Variants in PRKCZ observed in about 807,000 individuals in gnomAD.
PRKCZ encodes protein kinase C zeta type.
Under a neutral mutation model 79.5 loss-of-function variants are expected in PRKCZ, and 33 were observed. The ratio of observed to expected loss-of-function variants is 0.41; its 90% CI spans 0.31 to 0.55. The LOEUF is 0.55. Ranked by LOEUF, PRKCZ falls within the 20% of genes least tolerant of loss-of-function variation. The probability of loss-of-function intolerance (pLI) is 0.19; values close to 1 mark genes in which losing one functional copy is unlikely to be tolerated. For missense variants in PRKCZ, 578 were observed against 813.5 expected, an observed-to-expected ratio of 0.71 and a Z score of 3.52; for synonymous variants, 342 against 320.9, an observed-to-expected ratio of 1.07 and a Z score of -0.70.
chr1:2,077,024 C>G (rs748296586), intron 4 of PRKCZ, among the ~76,000 whole-genome samples: 7 of 152,144 alleles, frequency 4.6e-5, no homozygotes, highest in Non-Finnish European at 7.3e-5. Flanking sequence ...CTTGGTGGGC[C>G]CACAGGTCTG....
chr1:2,132,404 AG>A (rs1299783929), intron 4 of PRKCZ, among the ~76,000 whole-genome samples: 1 of 152,156 alleles, frequency 6.6e-6, no homozygotes, highest in African/African-American at 2.4e-5. Flanking sequence ...GCCGGGCCCT[AG>A]GGGGAGCAAA....
intron 1 of PRKCZ, among the ~76,000 whole-genome samples, chr1:2,053,566 A>G (rs1659890666): frequency 6.6e-6 from 1 of 152,126 alleles, no homozygotes; most frequent in South Asian, 2.1e-4. Flanking sequence ...TTGATTCAGG[A>G]TTGGGATAGG....
intron 1 of PRKCZ, 196 bp downstream of exon 1, chr1:2,050,897 C>A (rs1248186117): frequency 1.5e-5 from 6 of 390,662 alleles, no homozygotes. Flanking sequence ...GCGCGGGCTC[C>A]TTCCCCGGGA....
intron 4 of PRKCZ, among the ~76,000 whole-genome samples, chr1:2,088,505 G>A (rs1664919780): frequency 6.6e-6 from 1 of 152,202 alleles, no homozygotes; most frequent in South Asian, 2.1e-4. Context: ...GAGTGAAGAC[G>A]GCTGTGGCGA....
At chr1:2,163,915 AAAG>A (rs571662970) in intron 10 of PRKCZ, among the ~76,000 whole-genome samples, 9 of 152,148 alleles carry the variant, frequency 5.9e-5, no homozygotes, top group East Asian at 1.9e-4. Context: ...AAGAAAAAAA[AAAG>A]AAGAACACTG....
chr1:2,079,126 G>A (rs1388694478), intron 4 of PRKCZ, among the ~76,000 whole-genome samples: 3 of 152,232 alleles, frequency 2.0e-5, no homozygotes, highest in Non-Finnish European at 4.4e-5. Flanking sequence ...ACAGGCGTGA[G>A]CCACTGCGCC....
chr1:2,083,996 C>T (rs1664050535), intron 4 of PRKCZ, among the ~76,000 whole-genome samples: 1 of 152,190 alleles, frequency 6.6e-6, no homozygotes, highest in African/African-American at 2.4e-5. Context: ...CTTTGGGAGA[C>T]CGAAGCGGGC....
chr1:2,072,673 G>C (rs1471816387), intron 4 of PRKCZ, among the ~76,000 whole-genome samples: 1 of 152,144 alleles, frequency 6.6e-6, no homozygotes, highest in East Asian at 1.9e-4. Flanking sequence ...GCATTTGAAA[G>C]GTTCGCTGTG....
chr1:2,166,338 G>C lies in PRKCZ; in HGVS notation c.975-3180G>C, dbSNP rs577366583. On this transcript the variant is annotated intron_variant, in intron 10 of 17. Coordinates refer to ENST00000378567, the MANE Select transcript of PRKCZ (RefSeq NM_002744.6). Reference sequence around the variant, plus strand: ...GGAGGCTGAAGCCGGAGGATTGCCTGAGCCTGGGAGGTCGAGGCTGCAGTG... The same window carrying C: ...GGAGGCTGAAGCCGGAGGATTGCCTCAGCCTGGGAGGTCGAGGCTGCAGTG... 9.2e-5 allele frequency among the ~76,000 whole-genome samples: 14 copies of C among 152,326 alleles called. No homozygotes were observed. In the East Asian group the frequency reaches 2.7e-3, roughly 29 times the overall value.
intron 4 of PRKCZ, among the ~76,000 whole-genome samples, chr1:2,106,924 C>T (rs1308874443): frequency 6.6e-6 from 1 of 151,772 alleles, no homozygotes; most frequent in Non-Finnish European, 1.5e-5. Flanking sequence ...CTCCGGTGGG[C>T]GAGGACCTCT....
intron 5 of PRKCZ, among the ~76,000 whole-genome samples, chr1:2,136,914 T>G (rs983458283): frequency 1.3e-5 from 2 of 152,170 alleles, no homozygotes; most frequent in Non-Finnish European, 2.9e-5. Flanking sequence ...GTCAGGGTTC[T>G]CCAGAGGGAT....
At chr1:2,118,321 T>C (rs2102797314) in intron 4 of PRKCZ, among the ~76,000 whole-genome samples, 1 of 145,186 alleles carries the variant, frequency 6.9e-6, no homozygotes, top group East Asian at 2.1e-4. Context: ...ATTGATGCTT[T>C]TATCATCATG....
At position 2,174,443 on chromosome 1, in the gene PRKCZ, G is replaced by A. The variant is rs1685057383; in HGVS notation, c.1406-311G>A. Among the ~76,000 whole-genome samples, 1 of 152,260 alleles carries A rather than the reference G, an allele frequency of 6.6e-6. No homozygotes were observed. Among genetic ancestry groups the A allele is most frequent in the Non-Finnish European group, 1.5e-5 (1 of 68,042 alleles). Reference sequence around the variant, plus strand: ...CTGTGGGGATGTGGGATCTGGGAACGCGGCTGTCTCCGCGGTGCCCTCTGG... The same window carrying A: ...CTGTGGGGATGTGGGATCTGGGAACACGGCTGTCTCCGCGGTGCCCTCTGG... On this transcript the variant is annotated intron_variant, in intron 14 of 17. Transcript: ENST00000378567. The surrounding 1 kb of genome is among the most constrained non-coding windows in gnomAD (Gnocchi z 6.2).
intron 4 of PRKCZ, among the ~76,000 whole-genome samples, chr1:2,100,489 T>G (rs1667255717): frequency 1.3e-5 from 2 of 152,170 alleles, no homozygotes; most frequent in Non-Finnish European, 2.9e-5. Context: ...CCCCGGACGA[T>G]CTCCTCCAGG....
rs1426166452 is a variant in PRKCZ at position 2,127,212 on chromosome 1, CA to C, written c.335-8046del. Among the ~76,000 whole-genome samples the C allele has an allele frequency of 6.6e-6, 1 of 152,252 alleles. No homozygotes were observed. The highest frequency in any genetic ancestry group is 2.4e-5 in the African/African-American group (1 of 41,470). On this transcript the variant is annotated intron_variant, in intron 4 of 17. Coordinates refer to ENST00000378567, the MANE Select transcript of PRKCZ (RefSeq NM_002744.6). The surrounding 1 kb of genome is among the most constrained non-coding windows in gnomAD (Gnocchi z 5.1). ...ATCTGCTTCCCGCCACAGTGGTGCC[CA>C]AAACCTTTTCCAAGTCGTCTTCTGT...
chr1:2,178,561 G>A lies in PRKCZ; in HGVS notation c.1575+3248G>A, dbSNP rs1238139235. ...TGTGAACCCGCTTCTGGGTGGACAC[G>A]TGTTTATTTCTCTTGGGCACGTGCT... On this transcript the variant is annotated intron_variant, in intron 16 of 17. Transcript: ENST00000378567. This position sits in a 1 kb window ranked among gnomAD's most constrained non-coding sequence, Gnocchi z 4.3. Among the ~76,000 whole-genome samples, 4 of 152,214 alleles carry A rather than the reference G, an allele frequency of 2.6e-5. No individual in the cohort carries two copies. Among genetic ancestry groups the A allele is most frequent in the Non-Finnish European group, 4.4e-5 (3 of 68,042 alleles).
intron 16 of PRKCZ, among the ~76,000 whole-genome samples, chr1:2,181,292 C>G (rs1472917656): frequency 2.6e-5 from 4 of 152,222 alleles, no homozygotes; most frequent in African/African-American, 9.7e-5. Flanking sequence ...CAGCCCTCAC[C>G]TCCCCCAGGC....
intron 9 of PRKCZ, among the ~76,000 whole-genome samples, chr1:2,154,798 T>C (rs1311459782): frequency 6.6e-6 from 1 of 152,254 alleles, no homozygotes; most frequent in African/African-American, 2.4e-5. Flanking sequence ...TGTTGGATCT[T>C]TGTCACTCTA....
intron 2 of PRKCZ, chr1:2,055,887 C>T (rs760041651): frequency 1.1e-5 from 3 of 262,884 alleles, no homozygotes; most frequent in Non-Finnish European, 1.4e-5. Context: ...GTAGGTGCTT[C>T]TGAAAGGATG....
Sources: allele counts gnomAD v4.1 joint callset (sites outside exome capture counted in the v4.1 genomes callset), GRCh38; gene constraint gnomAD v4.1.1; non-coding constraint Gnocchi (gnomAD v3.1); transcripts MANE v1.5; gene names NCBI Gene and HGNC (gene_info 2026-07-23, HGNC 2026-07-21).